The following ARHGAP12 variants were observed in gnomAD, a reference collection of about 807,000 sequenced individuals.
ARHGAP12 encodes the protein rho GTPase-activating protein 12.
Under a neutral mutation model 108.6 loss-of-function variants are expected in ARHGAP12, and 64 were observed. That is an observed-to-expected ratio of 0.59 (90% CI 0.48 to 0.73). The LOEUF (loss-of-function observed/expected upper bound fraction) is 0.73, where lower values mean the gene tolerates loss of function less well. ARHGAP12 is among the 30% of genes least tolerant of loss of function. The pLI is 0.00. For synonymous variants in ARHGAP12, 312 were observed against 337.2 expected (o/e 0.93, Z 0.82); for missense variants, 940 against 1,005.9 (o/e 0.93, Z 0.89).
chr10:31,868,196 T>C (rs1236483018), intron 3 of ARHGAP12, among the ~76,000 whole-genome samples: 1 of 135,076 alleles, frequency 7.4e-6, no homozygotes, highest in Non-Finnish European at 1.6e-5. Context: ...AGACTCCATC[T>C]AAAAAAAAAA....
At chr10:31,904,982 G>A (rs1839069482) in intron 3 of ARHGAP12, among the ~76,000 whole-genome samples, 1 of 151,976 alleles carries the variant, frequency 6.6e-6, no homozygotes. Context: ...AAAATGAAAA[G>A]TTTAATTAAA....
intron 3 of ARHGAP12, among the ~76,000 whole-genome samples, chr10:31,875,221 G>A (rs1278760753): frequency 6.6e-6 from 1 of 152,064 alleles, no homozygotes; most frequent in East Asian, 1.9e-4. Context: ...TTAAAGTCAT[G>A]TAACAATTCT....
chr10:31,911,778 A>T (rs1005337937), intron 1 of ARHGAP12, among the ~76,000 whole-genome samples: 4 of 152,204 alleles, frequency 2.6e-5, no homozygotes, highest in Non-Finnish European at 5.9e-5. Flanking sequence ...TTCTTGTCAA[A>T]AGCATGTTTC....
chr10:31,859,847 T>G (rs1365643235), intron 4 of ARHGAP12, among the ~76,000 whole-genome samples: 1 of 151,310 alleles, frequency 6.6e-6, no homozygotes, highest in Non-Finnish European at 1.5e-5. Flanking sequence ...CAGACTGGAG[T>G]GCAGTGGTGC....
intron 3 of ARHGAP12, among the ~76,000 whole-genome samples, chr10:31,881,592 G>C (rs1024934848): frequency 6.6e-6 from 1 of 152,102 alleles, no homozygotes; most frequent in African/African-American, 2.4e-5. Context: ...CTAAGCACTT[G>C]ACTGACTTAT....
intron 1 of ARHGAP12, among the ~76,000 whole-genome samples, chr10:31,925,903 C>A (rs1419171): frequency 0.46 from 70,458 of 152,082 alleles, 16,587 homozygotes; most frequent in Admixed American, 0.51. Flanking sequence ...AATAATTTTC[C>A]TATTACATGT....
chr10:31,833,334 TAA>T (rs1554776366), intron 9 of ARHGAP12, among the ~76,000 whole-genome samples: 12 of 137,696 alleles, frequency 8.7e-5, no homozygotes, highest in African/African-American at 2.1e-4. Context: ...GAATTTGTAT[TAA>T]AAAAAAAAAA....
At chr10:31,903,335 GTAT>G (rs1839003278) in intron 3 of ARHGAP12, among the ~76,000 whole-genome samples, 1 of 152,168 alleles carries the variant, frequency 6.6e-6, no homozygotes, top group African/African-American at 2.4e-5. Flanking sequence ...TAAGAATACA[GTAT>G]TATTATCTTC....
intron 3 of ARHGAP12, among the ~76,000 whole-genome samples, chr10:31,891,542 T>C (rs1055439055): frequency 6.6e-6 from 1 of 152,318 alleles, no homozygotes; most frequent in Admixed American, 6.5e-5. Context: ...CTTTAGTGAA[T>C]CTGATAATTA....
intron 6 of ARHGAP12, among the ~76,000 whole-genome samples, chr10:31,844,347 A>G (rs1836373331): frequency 1.3e-5 from 2 of 152,160 alleles, no homozygotes; most frequent in African/African-American, 4.8e-5. Flanking sequence ...TTTACTTGTT[A>G]TATTTATGTC....
At chr10:31,926,175 G>A (rs371466538) in intron 1 of ARHGAP12, among the ~76,000 whole-genome samples, 19 of 152,124 alleles carry the variant, frequency 1.2e-4, no homozygotes, top group African/African-American at 4.1e-4. Context: ...AGGAGGCTTA[G>A]AGACTACACC....
intron 7 of ARHGAP12, among the ~76,000 whole-genome samples, chr10:31,842,154 T>G (rs1836292631): frequency 6.6e-6 from 1 of 152,070 alleles, no homozygotes; most frequent in Admixed American, 6.6e-5. Context: ...GTAAGAAATT[T>G]TAAGCATAAA....
At chr10:31,841,129 A>G (rs1175513452) in intron 7 of ARHGAP12, among the ~76,000 whole-genome samples, 1 of 152,160 alleles carries the variant, frequency 6.6e-6, no homozygotes, top group Admixed American at 6.5e-5. Context: ...ATGTACAATT[A>G]TAACTATTAT....
At chr10:31,825,106 T>C (rs185854336) in intron 11 of ARHGAP12, among the ~76,000 whole-genome samples, 195 of 152,212 alleles carry the variant, frequency 1.3e-3, no homozygotes, top group African/African-American at 3.8e-3. Flanking sequence ...ATTAAAAGAT[T>C]AGTAAAACAA....
chr10:31,831,819 C>T lies in ARHGAP12; in HGVS notation c.1387-19G>A, dbSNP rs766934599. 3 of 1,466,906 alleles carry T rather than the reference C, an allele frequency of 2.0e-6. No individual in the cohort carries two copies. The highest frequency in any genetic ancestry group is 1.2e-5 in the South Asian group (1 of 80,772). 90.9% of individuals were successfully genotyped at this position (1,466,906 alleles called of 1,614,324 possible). ...CTTGATCCTATGGAACAGAGTAATA[C>T]TGTTTATACAATCACATAGACAATG... is the stretch of plus-strand genomic sequence containing the variant. On this transcript the variant is annotated intron_variant, in intron 9 of 19. Coordinates refer to ENST00000344936, the MANE Select transcript of ARHGAP12 (RefSeq NM_018287.7).
intron 1 of ARHGAP12, among the ~76,000 whole-genome samples, chr10:31,910,942 G>A (rs975235475): frequency 6.6e-6 from 1 of 152,182 alleles, no homozygotes; most frequent in African/African-American, 2.4e-5. Flanking sequence ...TGGGTAAAGA[G>A]AATAAAAACG....
intron 1 of ARHGAP12, among the ~76,000 whole-genome samples, chr10:31,927,957 G>A (rs1840118619): frequency 6.6e-6 from 1 of 152,226 alleles, no homozygotes; most frequent in Admixed American, 6.5e-5. Context: ...ATTCCGCCCA[G>A]ATAAGCTGGA....
intron 18 of ARHGAP12, 77 bp downstream of exon 18, chr10:31,808,917 T>C: frequency 2.1e-6 from 3 of 1,431,818 alleles, no homozygotes; most frequent in South Asian, 2.7e-5. Context: ...TAAAGTAAGA[T>C]AAAAAAAATT....
chr10:31,820,849 G>T (rs2132169320), intron 11 of ARHGAP12, among the ~76,000 whole-genome samples: 1 of 151,598 alleles, frequency 6.6e-6, no homozygotes. Context: ...GATATAAACT[G>T]GAACTACTCC....
Sources: allele counts gnomAD v4.1 joint callset (sites outside exome capture counted in the v4.1 genomes callset), GRCh38; gene constraint gnomAD v4.1.1; transcripts MANE v1.5; gene names NCBI Gene and HGNC (gene_info 2026-07-23, HGNC 2026-07-21).